Variants in MAML3 observed in about 807,000 individuals in gnomAD.
The protein encoded by MAML3 is mastermind-like protein 3.
MAML3 carries 27 observed loss-of-function variants against 101.9 expected under a neutral mutation model. The ratio of observed to expected loss-of-function variants is 0.27; its 90% CI spans 0.20 to 0.37. The LOEUF is 0.37. Ranked by LOEUF, MAML3 falls within the 10% of genes least tolerant of loss-of-function variation. The pLI, the probability that MAML3 is intolerant of heterozygous loss-of-function variation, is 1.00. For missense variants in MAML3, 1,316 were observed against 1,444.9 expected (o/e 0.91, Z 1.45); for synonymous variants, 501 against 555.9 (o/e 0.90, Z 1.39).
chr4:139,763,503 G>C (rs912643832), intron 2 of MAML3, among the ~76,000 whole-genome samples: 1 of 152,206 alleles, frequency 6.6e-6, no homozygotes, highest in African/African-American at 2.4e-5. Context: ...AATCAGGAGA[G>C]AAAATGATGC....
At chr4:140,053,352 C>G (rs1727301334) in intron 1 of MAML3, among the ~76,000 whole-genome samples, 1 of 152,186 alleles carries the variant, frequency 6.6e-6, no homozygotes, top group African/African-American at 2.4e-5. Context: ...CGGACCACTG[C>G]TTTGGAATGT....
intron 1 of MAML3, among the ~76,000 whole-genome samples, chr4:140,086,787 G>C (rs1225459581): frequency 1.3e-5 from 2 of 152,022 alleles, no homozygotes; most frequent in Non-Finnish European, 2.9e-5. Flanking sequence ...CCTGTCGTAG[G>C]AGTAGAGAAA....
chr4:139,937,758 C>G (rs1733535020), intron 1 of MAML3, among the ~76,000 whole-genome samples: 1 of 152,202 alleles, frequency 6.6e-6, no homozygotes, highest in South Asian at 2.1e-4. Flanking sequence ...TGTCCCTTCT[C>G]TAGTTCTGGT....
chr4:139,768,546 G>A (rs1729911103), intron 2 of MAML3, among the ~76,000 whole-genome samples: 1 of 152,036 alleles, frequency 6.6e-6, no homozygotes, highest in Non-Finnish European at 1.5e-5. Flanking sequence ...ATTATATTTT[G>A]GCTTACAGTT....
intron 1 of MAML3, among the ~76,000 whole-genome samples, chr4:139,956,536 A>C (rs1733920000): frequency 6.6e-6 from 1 of 152,230 alleles, no homozygotes; most frequent in Non-Finnish European, 1.5e-5. Context: ...TTGGCATAAA[A>C]AGAAAGGAAA....
chr4:139,916,774 G>A (rs774079887), intron 1 of MAML3, among the ~76,000 whole-genome samples: 8 of 152,204 alleles, frequency 5.3e-5, no homozygotes, highest in Non-Finnish European at 1.0e-4. Context: ...GAAAAGGGTT[G>A]TAGGGGTTAA....
chr4:140,033,102 C>G (rs1229404543), intron 1 of MAML3, among the ~76,000 whole-genome samples: 1 of 152,170 alleles, frequency 6.6e-6, no homozygotes, highest in East Asian at 1.9e-4. Flanking sequence ...GAATAAGGCT[C>G]TGGCTGAACA....
At chr4:139,752,721 C>A (rs1578582308) in intron 2 of MAML3, among the ~76,000 whole-genome samples, 1 of 152,038 alleles carries the variant, frequency 6.6e-6, no homozygotes, top group Non-Finnish European at 1.5e-5. Context: ...AGAAACATGG[C>A]CAATCGAAGA....
At chr4:139,733,021 G>T (rs1461077987) in intron 2 of MAML3, among the ~76,000 whole-genome samples, 1 of 152,166 alleles carries the variant, frequency 6.6e-6, no homozygotes, top group Admixed American at 6.5e-5. Flanking sequence ...CCTTGCAGGG[G>T]CCTAGATATT....
At chr4:140,152,006 A>G (rs963870345) in intron 1 of MAML3, among the ~76,000 whole-genome samples, 2 of 152,168 alleles carry the variant, frequency 1.3e-5, no homozygotes, top group African/African-American at 4.8e-5. Context: ...CGCAAGTTTA[A>G]AAGGAAAAAA....
At chr4:139,879,197 G>A (rs1000587559) in intron 2 of MAML3, among the ~76,000 whole-genome samples, 2 of 152,112 alleles carry the variant, frequency 1.3e-5, no homozygotes, top group South Asian at 2.1e-4. Flanking sequence ...CGCCCAGCCC[G>A]CAGTGTTATC....
chr4:139,894,520 A>AAAGG (rs1368279328), intron 1 of MAML3, among the ~76,000 whole-genome samples: 1 of 119,664 alleles, frequency 8.4e-6, no homozygotes, highest in African/African-American at 3.8e-5. Context: ...AAAAAGAAAG[A>AAAGG]AAGAAAGAAA....
rs189587385 is a variant in MAML3 at position 139,927,855 on chromosome 4, C to T, written c.469-36888G>A. Among the ~76,000 whole-genome samples, 430 of 152,256 alleles carry T rather than the reference C, an allele frequency of 2.8e-3. 1 individual carries two copies. The highest frequency in any genetic ancestry group is 9.8e-3 in the African/African-American group (405 of 41,526). On this transcript the variant is annotated intron_variant, in intron 1 of 4. Transcript: ENST00000509479. Reference sequence around the variant, plus strand: ...GTTTCAGGTTTATTTTGTGTTTGCCCTGCCTGAACTCTGGAATCAACTGCT... The same window carrying T: ...GTTTCAGGTTTATTTTGTGTTTGCCTTGCCTGAACTCTGGAATCAACTGCT...
intron 1 of MAML3, among the ~76,000 whole-genome samples, chr4:140,096,001 G>A (rs1378473771): frequency 3.3e-5 from 5 of 152,132 alleles, no homozygotes; most frequent in Non-Finnish European, 5.9e-5. Context: ...GTGGGCTCCT[G>A]TTACACACAG....
At position 139,990,848 on chromosome 4, in the gene MAML3, C is replaced by T. The variant is rs549391982; in HGVS notation, c.469-99881G>A. Reference sequence around the variant, plus strand: ...ACCTAGGAATCCAACTTACAAGGGACGTGAAGGACCTCTTCAAGGAGAACT... The same window carrying T: ...ACCTAGGAATCCAACTTACAAGGGATGTGAAGGACCTCTTCAAGGAGAACT... On this transcript the variant is annotated intron_variant, in intron 1 of 4. Transcript: ENST00000509479. 5.3e-3 allele frequency among the ~76,000 whole-genome samples: 801 copies of T among 152,124 alleles called. 8 individuals are homozygous for T. Among genetic ancestry groups the T allele is most frequent in the African/African-American group, 0.017 (692 of 41,494 alleles).
At chr4:140,009,505 C>T (rs1726514028) in intron 1 of MAML3, among the ~76,000 whole-genome samples, 1 of 152,084 alleles carries the variant, frequency 6.6e-6, no homozygotes, top group South Asian at 2.1e-4. Flanking sequence ...TTTTTGTCCT[C>T]CATTAACCAT....
chr4:139,821,327 C>T lies in MAML3; in HGVS notation c.2079+68030G>A, dbSNP rs60196011. On this transcript the variant is annotated intron_variant, in intron 2 of 4. Transcript: ENST00000509479. Reference sequence around the variant, plus strand: ...AGAGTGAGCATTACCCCCTAAGCTCCGCCTCCTGTCAGATCAGCAGTGGCA... The same window carrying T: ...AGAGTGAGCATTACCCCCTAAGCTCTGCCTCCTGTCAGATCAGCAGTGGCA... Among the ~76,000 whole-genome samples the T allele has an allele frequency of 6.4e-3, 980 of 152,256 alleles. 13 individuals carry two copies. The highest frequency in any genetic ancestry group is 0.022 in the African/African-American group (913 of 41,560).
At chr4:139,827,901 CTACTA>C (rs1312125953) in intron 2 of MAML3, among the ~76,000 whole-genome samples, 2 of 152,190 alleles carry the variant, frequency 1.3e-5, no homozygotes, top group African/African-American at 4.8e-5. Flanking sequence ...CTGCAAGTAA[CTACTA>C]TAAGGAAATT....
chr4:139,741,202 G>A (rs1394269375), intron 2 of MAML3, among the ~76,000 whole-genome samples: 1 of 152,148 alleles, frequency 6.6e-6, no homozygotes, highest in East Asian at 1.9e-4. Context: ...AGAAATCTGG[G>A]ATTGGTACTT....
Sources: gnomAD v4.1 joint callset for allele counts (sites outside exome capture counted in the v4.1 genomes callset) on GRCh38, gnomAD v4.1.1 for gene constraint, MANE v1.5 for transcripts, NCBI Gene and HGNC (gene_info 2026-07-23, HGNC 2026-07-21) for gene names.